SPIRE1: variants seen among roughly 807,000 people sequenced by gnomAD.
SPIRE1 encodes the protein protein spire homolog 1.
Under a neutral mutation model 94.1 loss-of-function variants are expected in SPIRE1, and 40 were observed. That is an observed-to-expected ratio of 0.43 (90% CI 0.33 to 0.55). The LOEUF (loss-of-function observed/expected upper bound fraction) is 0.55, where lower values mean the gene tolerates loss of function less well. SPIRE1 is among the 20% of genes least tolerant of loss of function. SPIRE1 has a pLI of 0.06. For synonymous variants in SPIRE1, 376 were observed against 371.7 expected, an observed-to-expected ratio of 1.01 and a Z score of -0.13; for missense variants, 838 against 975.2, an observed-to-expected ratio of 0.86 and a Z score of 1.87.
chr18:12,600,153 G>C (rs1488426688), intron 2 of SPIRE1, among the ~76,000 whole-genome samples: 1 of 150,578 alleles, frequency 6.6e-6, no homozygotes, highest in Non-Finnish European at 1.5e-5. Flanking sequence ...ACAAGGAGCT[G>C]AATGTGGCCA....
chr18:12,642,376 G>A lies in SPIRE1; in HGVS notation c.338-7280C>T, dbSNP rs559794348. Among the ~76,000 whole-genome samples, 3 of 152,102 alleles carry A rather than the reference G, an allele frequency of 2.0e-5. No homozygotes were observed. The South Asian group carries it at 6.2e-4, about 32-fold the overall frequency. ...TTATTTTTGACATAGACTACACTTT[G>A]CTTCCTAGATTTGTAACTAAATCCC... On this transcript the variant is annotated intron_variant, in intron 1 of 16. Coordinates refer to ENST00000409402, the MANE Select transcript of SPIRE1 (RefSeq NM_001128626.2).
intron 2 of SPIRE1, among the ~76,000 whole-genome samples, chr18:12,586,666 G>A (rs779699399): frequency 6.6e-6 from 1 of 152,118 alleles, no homozygotes; most frequent in African/African-American, 2.4e-5. Flanking sequence ...GGATGTGTAT[G>A]CTTATAGTGA....
At chr18:12,449,986 T>G (rs1598878438) in intron 16 of SPIRE1, 90 bp from the exon 17 acceptor site, 4 of 1,037,566 alleles carry the variant, frequency 3.9e-6, no homozygotes, top group Non-Finnish European at 4.9e-6. Context: ...AGTAAATTTG[T>G]TGTCAAAACA....
intron 1 of SPIRE1, among the ~76,000 whole-genome samples, chr18:12,654,894 G>T (rs1003340528): frequency 5.9e-5 from 9 of 151,880 alleles, no homozygotes; most frequent in Non-Finnish European, 1.2e-4. Context: ...TGGGCGTGGT[G>T]GCATGCGCCT....
Position 12,581,434 on chromosome 18 carries a change from TA to T in SPIRE1, c.373-34531del, listed in dbSNP as rs555316444. On this transcript the variant is annotated intron_variant, in intron 2 of 16. Coordinates refer to ENST00000409402, the MANE Select transcript of SPIRE1 (RefSeq NM_001128626.2). ...CAGTAAAACCAAGGCACTAAAAGGTTAAAAAAAATAACCAAGATTAAAAGAT... is the reference window on the plus strand; with the variant it reads ...CAGTAAAACCAAGGCACTAAAAGGTTAAAAAAATAACCAAGATTAAAAGAT... Among the ~76,000 whole-genome samples the T allele has an allele frequency of 1.5e-4, 23 of 149,304 alleles. No individual in the cohort carries two copies. In the South Asian group the frequency reaches 5.1e-3, roughly 33 times the overall value.
At chr18:12,467,774 ACT>A (rs1220682462) in intron 10 of SPIRE1, among the ~76,000 whole-genome samples, 1 of 152,034 alleles carries the variant, frequency 6.6e-6, no homozygotes, top group African/African-American at 2.4e-5. Flanking sequence ...ACATGGAGAA[ACT>A]CTGTCTCTAC....
chr18:12,506,797 T>C (rs780331300), intron 5 of SPIRE1, among the ~76,000 whole-genome samples, 156 bp from the exon 6 acceptor site: 2 of 152,152 alleles, frequency 1.3e-5, no homozygotes, highest in Non-Finnish European at 2.9e-5. Context: ...TACTAAAAGA[T>C]GGGTGGAAAG....
chr18:12,634,120 C>T (rs1347743328), intron 2 of SPIRE1, among the ~76,000 whole-genome samples: 2 of 151,660 alleles, frequency 1.3e-5, no homozygotes, highest in Admixed American at 6.6e-5. Context: ...CGGTGGCGGG[C>T]GCCTGTAGTC....
chr18:12,620,256 C>G (rs1317848627), intron 2 of SPIRE1, among the ~76,000 whole-genome samples: 1 of 152,098 alleles, frequency 6.6e-6, no homozygotes, highest in East Asian at 1.9e-4. Context: ...CGATAATAAC[C>G]AAATCCATTT....
Position 12,503,696 on chromosome 18 carries a change from G to T in SPIRE1, c.972+2781C>A, listed in dbSNP as rs1420834411. The stretch of plus-strand genomic sequence containing the variant: ...TTTGAGAGAACAGAGACTGTAATAC[G>T]TCCTTCCAGAGTCAGAATAAGGTCT... On this transcript the variant is annotated intron_variant, in intron 6 of 16. Transcript: ENST00000409402. 5.1e-5 allele frequency among the ~76,000 whole-genome samples: 6 copies of T among 116,842 alleles called. 1 individual carries two copies. 76.7% of individuals were successfully genotyped at this position (116,842 alleles called of 152,430 possible).
intron 2 of SPIRE1, among the ~76,000 whole-genome samples, chr18:12,571,378 A>G (rs1722522470): frequency 1.3e-5 from 2 of 152,054 alleles, no homozygotes; most frequent in Non-Finnish European, 2.9e-5. Context: ...CCTGGCCCCT[A>G]TTTATTTTGA....
At chr18:12,512,915 T>C (rs1598426783) in intron 4 of SPIRE1, among the ~76,000 whole-genome samples, 1 of 152,070 alleles carries the variant, frequency 6.6e-6, no homozygotes, top group African/African-American at 2.4e-5. Context: ...CCATGGCTGG[T>C]CTCTTTCATT....
chr18:12,619,981 A>C (rs1185561554), intron 2 of SPIRE1, among the ~76,000 whole-genome samples: 2 of 152,204 alleles, frequency 1.3e-5, no homozygotes, highest in Non-Finnish European at 2.9e-5. Flanking sequence ...CATTAAAATT[A>C]ATAAATGAAT....
At chr18:12,532,573 C>T (rs1942896378) in intron 4 of SPIRE1, among the ~76,000 whole-genome samples, 1 of 152,122 alleles carries the variant, frequency 6.6e-6, no homozygotes, top group African/African-American at 2.4e-5. Flanking sequence ...CCACTTGGTA[C>T]ACACTAACTC....
intron 4 of SPIRE1, among the ~76,000 whole-genome samples, chr18:12,527,434 C>A (rs555181228): frequency 6.6e-6 from 1 of 152,124 alleles, no homozygotes; most frequent in Non-Finnish European, 1.5e-5. Flanking sequence ...GGATGAGATA[C>A]CCAGGGTTTA....
At chr18:12,632,358 A>T (rs939118950) in intron 2 of SPIRE1, among the ~76,000 whole-genome samples, 1 of 151,950 alleles carries the variant, frequency 6.6e-6, no homozygotes, top group East Asian at 1.9e-4. Flanking sequence ...CCCTCACACC[A>T]CCACCACCAA....
intron 1 of SPIRE1, among the ~76,000 whole-genome samples, chr18:12,657,224 G>A (rs1023823298): frequency 1.2e-3 from 171 of 147,904 alleles, no homozygotes; most frequent in African/African-American, 4.0e-3. Context: ...CGCGCCGCGG[G>A]CAGCTGTCCC....
intron 8 of SPIRE1, among the ~76,000 whole-genome samples, chr18:12,491,409 A>G (rs1228322989): frequency 6.6e-6 from 1 of 152,036 alleles, no homozygotes; most frequent in Non-Finnish European, 1.5e-5. Context: ...TAAAGTTACA[A>G]TAACAAAAAC....
At chr18:12,571,773 G>A (rs140267127) in intron 2 of SPIRE1, among the ~76,000 whole-genome samples, 86 of 152,220 alleles carry the variant, frequency 5.6e-4, no homozygotes, top group African/African-American at 1.9e-3. Context: ...CATTAATTCA[G>A]TCAACAGACA....
Sources: gnomAD v4.1 joint callset for allele counts (sites outside exome capture counted in the v4.1 genomes callset) on GRCh38, gnomAD v4.1.1 for gene constraint, MANE v1.5 for transcripts, NCBI Gene and HGNC (gene_info 2026-07-23, HGNC 2026-07-21) for gene names.